The following IRF1 variants were observed in gnomAD, a reference collection of about 807,000 sequenced individuals.
The protein encoded by IRF1 is interferon regulatory factor-1.
A neutral mutation model predicts 43.7 loss-of-function variants in IRF1; 13 were observed. The ratio of observed to expected loss-of-function variants is 0.30; its 90% confidence interval spans 0.19 to 0.47. The LOEUF (loss-of-function observed/expected upper bound fraction) is 0.47. Ranked by LOEUF, IRF1 falls within the 20% of genes least tolerant of loss-of-function variation. The pLI, the probability that IRF1 is intolerant of heterozygous loss-of-function variation, is 0.99. For synonymous variants in IRF1, 138 were observed against 146.8 expected, an observed-to-expected ratio of 0.94 and a Z score of 0.43; for missense variants, 236 against 408.9, an observed-to-expected ratio of 0.58 and a Z score of 3.65.
At position 132,482,663 on chromosome 5, in the gene IRF1, G is replaced by GTTTTTTTT. The variant is rs55959557; in HGVS notation, c.*1280_*1287dup. On this transcript the variant is annotated 3_prime_UTR_variant, in exon 10 of 10. Coordinates refer to ENST00000245414, the MANE Select transcript of IRF1 (RefSeq NM_002198.3). Reference sequence around the variant, plus strand: ...GCCACCATGCCCGGCCAAATGAAAGGTTTTTTTTTTTTTTTTTTTTTTTGG... The same window carrying GTTTTTTTT: ...GCCACCATGCCCGGCCAAATGAAAGGTTTTTTTTTTTTTTTTTTTTTTTTTTTTTTTGG... The GTTTTTTTT allele has an allele frequency of 1.5e-5, 1 of 65,920 alleles. No individual in the cohort carries two copies. The highest frequency in any genetic ancestry group is 3.1e-5 in the Non-Finnish European group (1 of 32,552). 4.1% of individuals were successfully genotyped at this position (65,920 alleles called of 1,614,324 possible). A position where few individuals can be genotyped will look rare whatever the true frequency, so the allele number is the denominator to read the frequency against.
chr5:132,484,332 A>C lies in IRF1; in HGVS notation c.853+30T>G, dbSNP rs758806916. Reference sequence around the variant, plus strand: ...TCCCTACGTGGTTCTCCCTCATCTAAGAAGCCATAAGGATCCAGGGCCTTC... The same window carrying C: ...TCCCTACGTGGTTCTCCCTCATCTACGAAGCCATAAGGATCCAGGGCCTTC... On this transcript the variant is annotated intron_variant, in intron 9 of 9. Transcript: ENST00000245414. The C allele has an allele frequency of 1.9e-6, 3 of 1,611,678 alleles. No individual in the cohort carries two copies. The South Asian group carries it at 3.3e-5, about 18-fold the overall frequency.
chr5:132,484,716 C>A, intron 8 of IRF1: 1 of 562,864 alleles, frequency 1.8e-6, no homozygotes, highest in Non-Finnish European at 3.2e-6. Context: ...ATTTTCCCAC[C>A]CCTCTCACAC....
In IRF1 at chr5:132,486,853, C is replaced by G; in HGVS notation, c.365-9G>C. On this transcript the variant is annotated splice_polypyrimidine_tract_variant and intron_variant, in intron 4 of 9. Coordinates refer to ENST00000245414, the MANE Select transcript of IRF1 (RefSeq NM_002198.3). ...GGACTTCGACTTTCTTTCTGTGGGG[C>G]AGACGGGCTGTCAGCCTTGGTGCAG... 1 of 1,614,182 alleles carries G rather than the reference C, an allele frequency of 6.2e-7. No individual in the cohort carries two copies. The highest frequency in any genetic ancestry group is 8.5e-7 in the Non-Finnish European group (1 of 1,180,028).
rs1580934711 is a variant in IRF1 at position 132,482,246 on chromosome 5, T to A, written c.*1705A>T. 1 of 112,096 alleles carries A rather than the reference T, an allele frequency of 8.9e-6. No homozygotes were observed. Among genetic ancestry groups the A allele is most frequent in the African/African-American group, 3.6e-5 (1 of 27,880 alleles). The allele number at this position is 112,096 out of a possible 1,614,324, so 6.9% of individuals were successfully genotyped here. A position where few individuals can be genotyped will look rare whatever the true frequency, so the allele number is the denominator to read the frequency against. Reference sequence around the variant, plus strand: ...TTTTTTTTTTTTTTTTGAGACGGAGTCTCGCTCTGTCGCCCAGGCTGTAGT... The same window carrying A: ...TTTTTTTTTTTTTTTTGAGACGGAGACTCGCTCTGTCGCCCAGGCTGTAGT... On this transcript the variant is annotated 3_prime_UTR_variant, in exon 10 of 10. Transcript: ENST00000245414.
intron 3 of IRF1, chr5:132,487,332 C>T: frequency 1.7e-6 from 1 of 601,636 alleles, no homozygotes; most frequent in Middle Eastern, 4.5e-4. Flanking sequence ...TTGGCTTAAA[C>T]ACATCTAGCG....
In IRF1 at chr5:132,490,378, C is replaced by CCGCGGCT. The variant is rs1156380202; in HGVS notation, c.-6+160_-6+166dup. On this transcript the variant is annotated intron_variant, in intron 1 of 9. Transcript: ENST00000245414. The surrounding 1 kb of genome is among the most constrained non-coding windows in gnomAD (Gnocchi z 5.8). ...CGTCCCGCCCTCCCCGCGCCGCGGC[C>CCGCGGCT]CGCGGCTCGCAGCTCCTCCGGCGCC... 1 of 149,652 alleles carries CCGCGGCT rather than the reference C, an allele frequency of 6.7e-6. No individual in the cohort carries two copies. The highest frequency in any genetic ancestry group is 2.4e-5 in the African/African-American group (1 of 41,058). 9.3% of individuals were successfully genotyped at this position (149,652 alleles called of 1,614,324 possible). A position where few individuals can be genotyped will look rare whatever the true frequency, so the allele number is the denominator to read the frequency against.
intron 4 of IRF1, 27 bp from the exon 5 acceptor site, chr5:132,486,871 T>C: frequency 6.2e-7 from 1 of 1,614,166 alleles, no homozygotes; most frequent in East Asian, 2.2e-5. Context: ...CTGTCAGCCT[T>C]GGTGCAGGCT....
chr5:132,485,305 G>T (rs17622656), intron 8 of IRF1: 2 of 223,288 alleles, frequency 9.0e-6, no homozygotes, highest in African/African-American at 2.3e-5. Flanking sequence ...TCATATTAAC[G>T]GATCCTAAAG....
Sources: gnomAD v4.1 joint callset for allele counts on GRCh38, gnomAD v4.1.1 for gene constraint, Gnocchi (gnomAD v3.1) non-coding constraint, MANE v1.5 for transcripts, NCBI Gene and HGNC (gene_info 2026-07-23, HGNC 2026-07-21) for gene names.